TASP1: variants seen among roughly 807,000 people sequenced by gnomAD.
TASP1 encodes taspase 1, also known as threonine aspartase 1.
Under a neutral mutation model 56.6 loss-of-function variants are expected in TASP1, and 16 were observed. The ratio of observed to expected loss-of-function variants is 0.28; its 90% CI spans 0.19 to 0.43. The LOEUF (loss-of-function observed/expected upper bound fraction) is 0.43, where lower values mean the gene tolerates loss of function less well. Ranked by LOEUF, TASP1 falls within the 20% of genes least tolerant of loss-of-function variation. TASP1 has a pLI of 1.00. For synonymous variants in TASP1, 179 were observed against 184.2 expected, an observed-to-expected ratio of 0.97 and a Z score of 0.23; for missense variants, 393 against 511.6, an observed-to-expected ratio of 0.77 and a Z score of 2.24.
chr20:13,626,974 A>G (rs1280107349), intron 2 of TASP1, among the ~76,000 whole-genome samples: 1 of 144,144 alleles, frequency 6.9e-6, no homozygotes, highest in African/African-American at 2.5e-5. Flanking sequence ...ATGGAAAGGC[A>G]GGCTCAGGAT....
chr20:13,612,934 C>T (rs1265219046), intron 4 of TASP1, among the ~76,000 whole-genome samples: 2 of 152,112 alleles, frequency 1.3e-5, no homozygotes, highest in Non-Finnish European at 2.9e-5. Flanking sequence ...CGCCCATTCA[C>T]CATTTCTCTG....
the TASP1 span, among the ~76,000 whole-genome samples, chr20:13,176,868 C>T: frequency 6.6e-6 from 1 of 152,052 alleles, no homozygotes. Flanking sequence ...CAATCGCTAC[C>T]AAAAACAATA....
intron 13 of TASP1, among the ~76,000 whole-genome samples, chr20:13,411,504 T>C (rs918456244): frequency 1.4e-4 from 21 of 152,214 alleles, no homozygotes; most frequent in African/African-American, 4.8e-4. Context: ...TTCATCTCCT[T>C]GGTTAAATTT....
chr20:13,264,949 G>A, the TASP1 span, among the ~76,000 whole-genome samples: 1 of 152,184 alleles, frequency 6.6e-6, no homozygotes, highest in East Asian at 1.9e-4. Flanking sequence ...TGCCCCAGAG[G>A]ATGCTACCAG....
At chr20:13,310,966 A>G in the TASP1 span, among the ~76,000 whole-genome samples, 1 of 152,128 alleles carries the variant, frequency 6.6e-6, no homozygotes, top group Non-Finnish European at 1.5e-5. Context: ...GGCTGAGGCG[A>G]GTGGATCACC....
intron 4 of TASP1, among the ~76,000 whole-genome samples, chr20:13,615,165 T>G (rs2048478445): frequency 1.3e-5 from 2 of 152,294 alleles, no homozygotes; most frequent in South Asian, 4.1e-4. Flanking sequence ...AAAACGTTGC[T>G]TACATTTGCA....
chr20:13,387,183 C>CTTTTTTTTTTTTTTTTTTTTTTTTTTTT (rs1568732036), downstream of TASP1, among the ~76,000 whole-genome samples: 1 of 94,950 alleles, frequency 1.1e-5, no homozygotes. Context: ...GACATGATTT[C>CTTTTTTTTTTTTTTTTTTTTTTTTTTTT]ATTTTTTTTT....
At chr20:13,580,651 G>C (rs2047087194) in intron 6 of TASP1, among the ~76,000 whole-genome samples, 1 of 152,098 alleles carries the variant, frequency 6.6e-6, no homozygotes, top group South Asian at 2.1e-4. Flanking sequence ...GGACTACAAT[G>C]TGTAAGTTTT....
At chr20:13,158,979 G>A in the TASP1 span, among the ~76,000 whole-genome samples, 1 of 152,186 alleles carries the variant, frequency 6.6e-6, no homozygotes, top group Non-Finnish European at 1.5e-5. Context: ...ACAGATCTGA[G>A]GCATTTACCT....
chr20:13,412,917 T>C (rs547029686), intron 13 of TASP1, among the ~76,000 whole-genome samples: 1 of 152,270 alleles, frequency 6.6e-6, no homozygotes, highest in South Asian at 2.1e-4. Context: ...CTCGTTCTTA[T>C]CATATCATAT....
the TASP1 span, among the ~76,000 whole-genome samples, chr20:13,136,732 G>A: frequency 6.8e-6 from 1 of 146,748 alleles, no homozygotes; most frequent in African/African-American, 2.5e-5. Context: ...ATAAATAAAA[G>A]TTATATATAT....
Position 13,403,983 on chromosome 20 carries a change from T to C in TASP1, c.1170+13465A>G, listed in dbSNP as rs60568587. ...TTACACACAATAAAGTGCATAGATGTTCAGTAAAGGGTTTGATGATTTTTA... is the reference window on the plus strand; with the variant it reads ...TTACACACAATAAAGTGCATAGATGCTCAGTAAAGGGTTTGATGATTTTTA... On this transcript the variant is annotated intron_variant, in intron 13 of 13. Coordinates refer to ENST00000337743, the MANE Select transcript of TASP1 (RefSeq NM_017714.3). Among the ~76,000 whole-genome samples, 749 of 152,294 alleles carry C rather than the reference T, an allele frequency of 4.9e-3. 4 individuals are homozygous for C. The highest frequency in any genetic ancestry group is 0.015 in the African/African-American group (608 of 41,560).
At chr20:13,572,611 G>A (rs1157095062) in intron 6 of TASP1, among the ~76,000 whole-genome samples, 2 of 150,178 alleles carry the variant, frequency 1.3e-5, no homozygotes, top group Non-Finnish European at 1.5e-5. Flanking sequence ...GCTTGAACTC[G>A]GGAGGTGGAG....
the TASP1 span, among the ~76,000 whole-genome samples, chr20:13,305,472 C>T: frequency 4.4e-4 from 67 of 152,148 alleles, no homozygotes; most frequent in East Asian, 8.5e-3. Flanking sequence ...TGTTGTGGGG[C>T]GGGGATTAGG....
intron 4 of TASP1, among the ~76,000 whole-genome samples, chr20:13,604,851 T>C (rs974489314): frequency 1.3e-5 from 2 of 151,706 alleles, no homozygotes; most frequent in East Asian, 1.9e-4. Flanking sequence ...AAATGGCAAA[T>C]TGTTTAGCAG....
chr20:13,496,011 G>A (rs1482424645), intron 10 of TASP1, among the ~76,000 whole-genome samples: 8 of 151,960 alleles, frequency 5.3e-5, no homozygotes, highest in Admixed American at 3.9e-4. Context: ...ATCTATAAGC[G>A]TATGGTTTTA....
chr20:13,287,157 C>T, the TASP1 span, among the ~76,000 whole-genome samples: 381 of 152,246 alleles, frequency 2.5e-3, 1 homozygote, highest in African/African-American at 8.7e-3. Flanking sequence ...AAGACATACC[C>T]GAGACTGGGT....
At position 13,515,406 on chromosome 20, in the gene TASP1, T is replaced by C. The variant is rs147666278; in HGVS notation, c.874+13027A>G. On this transcript the variant is annotated intron_variant, in intron 10 of 13. Coordinates refer to ENST00000337743, the MANE Select transcript of TASP1 (RefSeq NM_017714.3). Reference sequence around the variant, plus strand: ...CCACTTTGTCCATCAAAGTGTTGTCTTGCTGCTTAAAGTACTGTCTGTGGA... The same window carrying C: ...CCACTTTGTCCATCAAAGTGTTGTCCTGCTGCTTAAAGTACTGTCTGTGGA... Among the ~76,000 whole-genome samples the C allele has an allele frequency of 1.8e-3, 275 of 152,180 alleles. 1 individual carries two copies. The highest frequency in any genetic ancestry group is 6.2e-3 in the African/African-American group (258 of 41,552).
At chr20:13,496,914 G>A (rs1012909923) in intron 10 of TASP1, among the ~76,000 whole-genome samples, 4 of 152,094 alleles carry the variant, frequency 2.6e-5, no homozygotes, top group African/African-American at 9.7e-5. Context: ...TGAGAAAACA[G>A]AGCCATGGTC....
Sources: gnomAD v4.1 joint callset for allele counts (sites outside exome capture counted in the v4.1 genomes callset) on GRCh38, gnomAD v4.1.1 for gene constraint, MANE v1.5 for transcripts, NCBI Gene and HGNC (gene_info 2026-07-23, HGNC 2026-07-21) for gene names.